GRK2: variants seen among roughly 807,000 people sequenced by gnomAD.
The protein encoded by GRK2 is G protein-coupled receptor kinase 2, also known as adrenergic beta receptor kinase 1.
GRK2 carries 23 observed loss-of-function variants against 97.8 expected under a neutral mutation model. That is an observed-to-expected ratio of 0.24 (90% CI 0.17 to 0.33). GRK2 has a LOEUF of 0.33. Ranked by LOEUF, GRK2 falls within the 10% of genes least tolerant of loss-of-function variation. The pLI is 1.00. For missense variants in GRK2, 633 were observed against 956.9 expected (o/e 0.66, Z 4.47); for synonymous variants, 425 against 381.7 (o/e 1.11, Z -1.32).
intron 3 of GRK2, 28 bp downstream of exon 3, chr11:67,279,301 C>T (rs749044094): frequency 1.2e-6 from 2 of 1,612,422 alleles, no homozygotes; most frequent in Non-Finnish European, 1.7e-6. Context: ...AAGCCCTGCT[C>T]TGCCTGGAGA....
Position 67,281,930 on chromosome 11 carries a change from T to G in GRK2, c.935T>G (p.Phe312Cys). 6.2e-7 allele frequency: 1 copy of G among 1,613,130 alleles called. No individual in the cohort carries two copies. Among genetic ancestry groups the G allele is most frequent in the Non-Finnish European group, 8.5e-7 (1 of 1,179,888 alleles). ...GGCCTGGAGCACATGCACAACCGCT[T>G]CGTGGTCTACCGGGACCTGAAGGTG... is the stretch of plus-strand genomic sequence containing the variant. ...ILGLEHMHNR[F>C]VVYRDLKPAN... Residue 312 changes from phenylalanine (F) to cysteine (C), a missense_variant, in exon 11 of 21, where the codon TTC becomes TGC. Physicochemically the swap from Phe to Cys is radical, Grantham distance 205. This residue lies in a region of GRK2 where 192 missense variants were observed against 362.3 expected (regional missense o/e 0.53). Transcript: ENST00000308595. The surrounding 1 kb of genome is among the most constrained non-coding windows in gnomAD (Gnocchi z 5.7).
At chr11:67,283,420 C>G in intron 15 of GRK2, 192 bp downstream of exon 15, 1 of 620,660 alleles carries the variant, frequency 1.6e-6, no homozygotes, top group African/African-American at 1.8e-5. Context: ...CTGGAACCAG[C>G]TAGTAACTGG....
At chr11:67,268,408 C>G (rs996259872) in intron 1 of GRK2, among the ~76,000 whole-genome samples, 7 of 152,144 alleles carry the variant, frequency 4.6e-5, no homozygotes, top group African/African-American at 1.7e-4. Flanking sequence ...AGGAACCAGA[C>G]TGACTGTCAG....
At chr11:67,272,317 T>C (rs1422430436) in intron 1 of GRK2, among the ~76,000 whole-genome samples, 1 of 152,080 alleles carries the variant, frequency 6.6e-6, no homozygotes, top group East Asian at 1.9e-4. Flanking sequence ...CAGGGAGCCT[T>C]TGGACATTTT....
Position 67,281,979 on chromosome 11 carries a change from G to T in GRK2, c.957+27G>T, listed in dbSNP as rs376434780. ...TGAGCGCCCCTGCTGTCCCCAGGCT[G>T]GACCTCCGTGGCTGTCCTCTCCTTC... On this transcript the variant is annotated intron_variant, in intron 11 of 20. Transcript: ENST00000308595. This position sits in a 1 kb window ranked among gnomAD's most constrained non-coding sequence, Gnocchi z 5.7. 2.5e-5 allele frequency: 41 copies of T among 1,612,526 alleles called. 1 individual carries two copies. The African/African-American group carries it at 5.1e-4, about 20-fold the overall frequency.
At position 67,285,740 on chromosome 11, in the gene GRK2, G is replaced by A. The variant is rs560165742; in HGVS notation, c.*290G>A. On this transcript the variant is annotated 3_prime_UTR_variant, in exon 21 of 21. Transcript: ENST00000308595. ...TCCCCGAGGGATGATGCCACACCAA[G>A]CTGTGCCACCCTGGGCTCTGTGGGC... 608 of 451,310 alleles carry A rather than the reference G, an allele frequency of 1.3e-3. 7 individuals carry two copies. Among genetic ancestry groups the A allele is most frequent in the Non-Finnish European group, 2.8e-4 (72 of 253,330 alleles). The allele number at this position is 451,310 out of a possible 1,614,324, so 28.0% of individuals were successfully genotyped here.
intron 1 of GRK2, among the ~76,000 whole-genome samples, chr11:67,268,797 T>TC (rs1859849084): frequency 6.6e-6 from 1 of 152,202 alleles, no homozygotes; most frequent in Admixed American, 6.5e-5. Context: ...ATATCTGTCA[T>TC]CTCAGTTCTT....
intron 18 of GRK2, chr11:67,284,612 C>T (rs1860229888): frequency 1.4e-6 from 1 of 709,598 alleles, no homozygotes; most frequent in East Asian, 2.8e-5. Context: ...TGGTGAAACC[C>T]TGTCTCTACC....
intron 16 of GRK2, 37 bp downstream of exon 16, chr11:67,283,810 G>T (rs762561704): frequency 1.2e-5 from 19 of 1,607,114 alleles, no homozygotes; most frequent in Non-Finnish European, 1.6e-5. Flanking sequence ...GTGCTCTGCA[G>T]CCCCACCCCC....
In GRK2 at chr11:67,266,752, A is replaced by G; in HGVS notation, c.53A>G (p.Glu18Gly). 1 of 1,376,744 alleles carries G rather than the reference A, an allele frequency of 7.3e-7. No homozygotes were observed. The highest frequency in any genetic ancestry group is 9.5e-7 in the Non-Finnish European group (1 of 1,052,624). 85.3% of individuals were successfully genotyped at this position (1,376,744 alleles called of 1,614,324 possible). A position where few individuals can be genotyped will look rare whatever the true frequency, so the allele number is the denominator to read the frequency against. The change falls in exon 1 of 21, where the codon GAG (glutamate) becomes GGG (glycine). Residue 18 changes from glutamate to glycine, a missense_variant. This residue lies in a region of GRK2 where 193 missense variants were observed against 212.2 expected (regional missense o/e 0.91). Coordinates refer to ENST00000308595, the MANE Select transcript of GRK2 (RefSeq NM_001619.5). ...GACGTGAGCTACCTGATGGCCATGG[A>G]GAAGAGCAAGGCCACGCCGGCCGCG... ...LADVSYLMAM[E>G]KSKATPAARA...
intron 6 of GRK2, 127 bp from the exon 7 acceptor site, chr11:67,280,605 C>T (rs902694348): frequency 8.5e-6 from 9 of 1,064,414 alleles, no homozygotes; most frequent in East Asian, 4.7e-5. Context: ...AGGACATTAA[C>T]GCTCGTGATG....
At chr11:67,277,425 C>A in intron 2 of GRK2, 77 bp downstream of exon 2, 1 of 1,350,724 alleles carries the variant, frequency 7.4e-7, no homozygotes, top group Non-Finnish European at 1.1e-6. Flanking sequence ...CTGTGCTCCC[C>A]ACTCTCCAGA....
At chr11:67,279,746 C>T in intron 5 of GRK2, 46 bp downstream of exon 5, 1 of 1,612,656 alleles carries the variant, frequency 6.2e-7, no homozygotes, top group Non-Finnish European at 8.5e-7. Flanking sequence ...CCTTGGACAG[C>T]CCCTGGTCAA....
chr11:67,284,956 C>T lies in GRK2; in HGVS notation c.1764C>T (p.Leu588=), dbSNP rs766428521. 3.3e-5 allele frequency: 53 copies of T among 1,612,810 alleles called. 1 individual carries two copies. Among genetic ancestry groups the T allele is most frequent in the East Asian group, 8.9e-5 (4 of 44,894 alleles). Residue 588 remains leucine (L), a synonymous_variant, in exon 19 of 21, where the codon CTC becomes CTT. Transcript: ENST00000308595. ...RRYFYLFPNR[L]EWRGEGEAPQ... ...ACTTCTACCTGTTCCCCAACCGCCT[C>T]GAGTGGCGGGGCGAGGGCGAGGCCC...
At chr11:67,280,573 C>A in intron 6 of GRK2, 159 bp from the exon 7 acceptor site, 1 of 867,224 alleles carries the variant, frequency 1.2e-6, no homozygotes, top group Admixed American at 2.0e-5. Context: ...CGGGCAGGCC[C>A]TCAACATATC....
rs1860190181 is a variant in GRK2, at chr11:67,283,109, G to A, written c.1228-19G>A. 1.9e-6 allele frequency: 3 copies of A among 1,612,048 alleles called. No homozygotes were observed. The highest frequency in any genetic ancestry group is 1.1e-5 in the South Asian group (1 of 91,058). The stretch of plus-strand genomic sequence containing the variant: ...GGGCTCTTCCTAAGCCCCTGCTAAT[G>A]TCCCACTCCTCTCTAAAGGCCGTGG... On this transcript the variant is annotated intron_variant, in intron 14 of 20. Coordinates refer to ENST00000308595, the MANE Select transcript of GRK2 (RefSeq NM_001619.5).
intron 1 of GRK2, 132 bp from the exon 2 acceptor site, chr11:67,277,140 T>G (rs1860047990): frequency 2.6e-6 from 2 of 755,312 alleles, no homozygotes; most frequent in Non-Finnish European, 4.4e-6. Context: ...GATAAGTGAG[T>G]AGGCCTGACG....
Position 67,283,189 on chromosome 11 carries a change from A to C in GRK2, c.1289A>C (p.Gln430Pro). The change falls in exon 15 of 21, where the codon CAG becomes CCG. Residue 430 changes from glutamine (Q) to proline (P), a missense_variant. Physicochemically the swap from Gln to Pro is moderately conservative, Grantham distance 76. Transcript: ENST00000308595. ...CGCTCCCTGCTGGAGGGGTTGCTGC[A>C]GAGGGATGTCAACCGGAGATTGGGC... ...ELRSLLEGLL[Q>P]RDVNRRLGCL... 6.2e-7 allele frequency: 1 copy of C among 1,613,976 alleles called. No homozygotes were observed. Among genetic ancestry groups the C allele is most frequent in the Non-Finnish European group, 8.5e-7 (1 of 1,179,984 alleles).
Position 67,282,312 on chromosome 11 carries a change from C to T in GRK2, c.999C>T (p.Ile333=). The T allele has an allele frequency of 6.2e-7, 1 of 1,613,552 alleles. No individual in the cohort carries two copies. The highest frequency in any genetic ancestry group is 8.5e-7 in the Non-Finnish European group (1 of 1,179,984). ...ILLDEHGHVR[I]SDLGLACDFS... ...TGGACGAGCATGGCCACGTGCGGATCTCGGACCTGGGCCTGGCCTGTGACT... is the reference window on the plus strand; with the variant it reads ...TGGACGAGCATGGCCACGTGCGGATTTCGGACCTGGGCCTGGCCTGTGACT... Residue 333 remains isoleucine, a synonymous_variant, in exon 12 of 21, where the codon ATC becomes ATT. Transcript: ENST00000308595. The surrounding 1 kb of genome is among the most constrained non-coding windows in gnomAD (Gnocchi z 6.9).
Sources: allele counts gnomAD v4.1 joint callset (sites outside exome capture counted in the v4.1 genomes callset), GRCh38; gene constraint gnomAD v4.1.1; regional missense constraint gnomAD v4.1.1; non-coding constraint Gnocchi (gnomAD v3.1); transcripts MANE v1.5; gene names NCBI Gene and HGNC (gene_info 2026-07-23, HGNC 2026-07-21).